KDM1B: variants seen among roughly 807,000 people sequenced by gnomAD.
KDM1B encodes lysine demethylase 1B, also known as lysine-specific histone demethylase 2.
Under a neutral mutation model 107.4 loss-of-function variants are expected in KDM1B, and 63 were observed. The observed-to-expected ratio is 0.59, with a 90% CI of 0.48 to 0.72. The LOEUF is 0.72. Among genes scored for constraint, KDM1B ranks in the 30% least tolerant of loss-of-function variants. The pLI, the probability that KDM1B is intolerant of heterozygous loss-of-function variation, is 0.00. For synonymous variants in KDM1B, 363 were observed against 363.9 expected (o/e 1.00, Z 0.03); for missense variants, 749 against 1,020.8 (o/e 0.73, Z 3.63).
chr6:18,197,573 C>G lies in KDM1B; in HGVS notation c.1147-14C>G. 2 of 1,609,794 alleles carry G rather than the reference C, an allele frequency of 1.2e-6. No homozygotes were observed. Among genetic ancestry groups the G allele is most frequent in the African/African-American group, 1.3e-5 (1 of 74,976 alleles). ...ATCTGCTCTAATTGGACTTTTGTTT[C>G]TTTTCTTTTTAAGAAATCAGTCATC... On this transcript the variant is annotated splice_polypyrimidine_tract_variant and intron_variant, in intron 11 of 21. Transcript: ENST00000650836. This position sits in a 1 kb window ranked among gnomAD's most constrained non-coding sequence, Gnocchi z 4.5.
At chr6:18,207,261 T>C in intron 15 of KDM1B, 137 bp from the exon 16 acceptor site, 1 of 749,688 alleles carries the variant, frequency 1.3e-6, no homozygotes, top group Non-Finnish European at 2.2e-6. Context: ...CCAGTGGTGG[T>C]CTCTGCCTAG....
Position 18,213,996 on chromosome 6 carries a change from T to G in KDM1B, c.2109+215T>G, listed in dbSNP as rs575974068. On this transcript the variant is annotated intron_variant, in intron 19 of 21. Coordinates refer to ENST00000650836, the MANE Select transcript of KDM1B (RefSeq NM_001364614.2). The surrounding 1 kb of genome is among the most constrained non-coding windows in gnomAD (Gnocchi z 5.9). Reference sequence around the variant, plus strand: ...TTCTTAAAGTCCTCATGTTGCTCCCTGGGACATGAATTGGATGCTTGTGGA... The same window carrying G: ...TTCTTAAAGTCCTCATGTTGCTCCCGGGGACATGAATTGGATGCTTGTGGA... Among the ~76,000 whole-genome samples, 1 of 152,298 alleles carries G rather than the reference T, an allele frequency of 6.6e-6. No homozygotes were observed. Among genetic ancestry groups the G allele is most frequent in the South Asian group, 2.1e-4 (1 of 4,822 alleles).
At chr6:18,188,149 C>T (rs926373743) in intron 9 of KDM1B, 147 bp downstream of exon 9, 7 of 722,036 alleles carry the variant, frequency 9.7e-6, no homozygotes, top group Middle Eastern at 3.9e-4. Context: ...CTTTGGGTGG[C>T]CGAGGCAGGA....
At chr6:18,163,384 T>C (rs1376775831) in intron 5 of KDM1B, among the ~76,000 whole-genome samples, 1 of 152,208 alleles carries the variant, frequency 6.6e-6, no homozygotes, top group Non-Finnish European at 1.5e-5. Context: ...TGAGTCAAAG[T>C]TCTGGAACAT....
rs577627749 is a variant in KDM1B, at chr6:18,197,412, G to A, written c.1147-175G>A. On this transcript the variant is annotated intron_variant, in intron 11 of 21. Transcript: ENST00000650836. The surrounding 1 kb of genome is among the most constrained non-coding windows in gnomAD (Gnocchi z 4.5). ...TCAAGCACTCTTTCCCCAGATTGTA[G>A]GGAAAAAGGGAAGGGAGTAATAAGA... Among the ~76,000 whole-genome samples the A allele has an allele frequency of 4.6e-4, 70 of 152,320 alleles. No individual in the cohort carries two copies. Among genetic ancestry groups the A allele is most frequent in the Admixed American group, 1.7e-3 (26 of 15,300 alleles).
At chr6:18,183,854 T>C (rs1786649183) in intron 7 of KDM1B, among the ~76,000 whole-genome samples, 1 of 151,948 alleles carries the variant, frequency 6.6e-6, no homozygotes, top group Admixed American at 6.6e-5. Context: ...GGGCTGTTTC[T>C]AGTTTTTGGC....
At position 18,213,633 on chromosome 6, in the gene KDM1B, C is replaced by G. The variant is rs1361035275; in HGVS notation, c.1984-23C>G. On this transcript the variant is annotated intron_variant, in intron 18 of 21. Coordinates refer to ENST00000650836, the MANE Select transcript of KDM1B (RefSeq NM_001364614.2). This position sits in a 1 kb window ranked among gnomAD's most constrained non-coding sequence, Gnocchi z 5.9. ...TTTTGTGACGACAGACACCTAACCA[C>G]CTTTCTTCTGCTCACTTTGCAGATT... 16 of 1,613,770 alleles carry G rather than the reference C, an allele frequency of 9.9e-6. No homozygotes were observed. The highest frequency in any genetic ancestry group is 1.3e-5 in the Non-Finnish European group (15 of 1,179,772).
chr6:18,201,719 A>G lies in KDM1B; in HGVS notation c.1531+62A>G. 2.9e-6 allele frequency: 4 copies of G among 1,391,162 alleles called. No homozygotes were observed. The highest frequency in any genetic ancestry group is 3.9e-6 in the Non-Finnish European group (4 of 1,026,474). 86.2% of individuals were successfully genotyped at this position (1,391,162 alleles called of 1,614,324 possible). A position where few individuals can be genotyped will look rare whatever the true frequency, so the allele number is the denominator to read the frequency against. On this transcript the variant is annotated intron_variant, in intron 14 of 21. Coordinates refer to ENST00000650836, the MANE Select transcript of KDM1B (RefSeq NM_001364614.2). This position sits in a 1 kb window ranked among gnomAD's most constrained non-coding sequence, Gnocchi z 4.3. ...GTTTCGTTGTTACCTAAGCTTCATC[A>G]GCAGTGGCATTGTTCATTTGCGAGG...
Position 18,212,608 on chromosome 6 carries a change from A to G in KDM1B, c.1983+4A>G. The G allele has an allele frequency of 6.4e-7, 1 of 1,567,864 alleles. No homozygotes were observed. Among genetic ancestry groups the G allele is most frequent in the Non-Finnish European group, 8.8e-7 (1 of 1,137,780 alleles). ...AGGCGCAGGCATCATTGAAAAGGTGACTGAAATGACCTCATCCTCAGCAAG... is the reference window on the plus strand; with the variant it reads ...AGGCGCAGGCATCATTGAAAAGGTGGCTGAAATGACCTCATCCTCAGCAAG... On this transcript the variant is annotated splice_donor_region_variant and intron_variant, in intron 18 of 21. Coordinates refer to ENST00000650836, the MANE Select transcript of KDM1B (RefSeq NM_001364614.2). The surrounding 1 kb of genome is among the most constrained non-coding windows in gnomAD (Gnocchi z 5.2).
chr6:18,218,745 G>A (rs1789436894), intron 21 of KDM1B, among the ~76,000 whole-genome samples: 1 of 151,918 alleles, frequency 6.6e-6, no homozygotes, highest in African/African-American at 2.4e-5. Flanking sequence ...AGTTGACACT[G>A]TCTGAGCTGG....
At chr6:18,199,279 A>G (rs1359426752) in intron 12 of KDM1B, among the ~76,000 whole-genome samples, 1 of 152,132 alleles carries the variant, frequency 6.6e-6, no homozygotes, top group Non-Finnish European at 1.5e-5. Context: ...AGAGAAAGTG[A>G]AGAATGTAAG....
At chr6:18,215,813 T>C (rs1789182191) in intron 20 of KDM1B, among the ~76,000 whole-genome samples, 3 of 151,574 alleles carry the variant, frequency 2.0e-5, no homozygotes, top group Admixed American at 2.0e-4. Flanking sequence ...ACTGAAGCCC[T>C]AGAAGCTTTG....
At chr6:18,217,439 C>G (rs545152573) in intron 20 of KDM1B, among the ~76,000 whole-genome samples, 1 of 145,878 alleles carries the variant, frequency 6.9e-6, no homozygotes, top group South Asian at 2.2e-4. Context: ...AGTGCAGTGG[C>G]GCGATCTCGG....
rs1489199108 is a variant in KDM1B at position 18,213,800 on chromosome 6, T to G, written c.2109+19T>G. 1.2e-6 allele frequency: 2 copies of G among 1,613,566 alleles called. No individual in the cohort carries two copies. Among genetic ancestry groups the G allele is most frequent in the South Asian group, 1.1e-5 (1 of 91,004 alleles). On this transcript the variant is annotated intron_variant, in intron 19 of 21. Transcript: ENST00000650836. This position sits in a 1 kb window ranked among gnomAD's most constrained non-coding sequence, Gnocchi z 5.9. ...TCCCCAGGTAAAATCATTCGTGAAC[T>G]GTGGTTTGAATTTCCGTCTTAAAGT...
rs1283333809 is a variant in KDM1B at position 18,162,411 on chromosome 6, A to C, written c.216-424A>C. Among the ~76,000 whole-genome samples, 3 of 152,160 alleles carry C rather than the reference A, an allele frequency of 2.0e-5. No individual in the cohort carries two copies. Among genetic ancestry groups the C allele is most frequent in the Admixed American group, 1.3e-4 (2 of 15,270 alleles). On this transcript the variant is annotated intron_variant, in intron 4 of 21. Transcript: ENST00000650836. This position sits in a 1 kb window ranked among gnomAD's most constrained non-coding sequence, Gnocchi z 4.1. ...TTTTTCATTCTCTTGCTATATTATC[A>C]ACTGTTTGACAAGTTATCTTTGCCA...
Position 18,159,830 on chromosome 6 carries a change from G to C in KDM1B, c.-13-53G>C. 2.1e-6 allele frequency: 2 copies of C among 939,990 alleles called. No homozygotes were observed. Among genetic ancestry groups the C allele is most frequent in the South Asian group, 1.4e-5 (1 of 71,902 alleles). 58.2% of individuals were successfully genotyped at this position (939,990 alleles called of 1,614,324 possible). ...AGTGTATAATAACTTGCTCCAGACTGTTAAAAATATTTGCAGATGCTAATA... is the reference window on the plus strand; with the variant it reads ...AGTGTATAATAACTTGCTCCAGACTCTTAAAAATATTTGCAGATGCTAATA... On this transcript the variant is annotated intron_variant, in intron 2 of 21. Transcript: ENST00000650836. The surrounding 1 kb of genome is among the most constrained non-coding windows in gnomAD (Gnocchi z 4.5).
At position 18,187,814 on chromosome 6, in the gene KDM1B, A is replaced by T. The variant is rs759652209; in HGVS notation, c.596A>T (p.His199Leu). ...EDLRVLEVSNHWWYSMLILPP... is the reference protein window; with the variant it reads ...EDLRVLEVSNLWWYSMLILPP... ...CAGAGAGTATTGGAAGTTTCCAACC[A>T]TTGGTGGTACTCTATGCTCATCCTA... Residue 199 changes from histidine to leucine, a missense_variant, in exon 9 of 22, where the codon CAT becomes CTT. Transcript: ENST00000650836. 2.5e-5 allele frequency: 39 copies of T among 1,550,274 alleles called. 1 individual carries two copies. The South Asian group carries it at 4.5e-4, about 18-fold the overall frequency.
intron 2 of KDM1B, among the ~76,000 whole-genome samples, chr6:18,156,476 T>A (rs1004344150): frequency 4.6e-5 from 7 of 152,124 alleles, no homozygotes; most frequent in African/African-American, 1.7e-4. Context: ...GTTTTGTGTT[T>A]TTAAATCTAT....
At chr6:18,196,420 T>C (rs530598124) in intron 10 of KDM1B, among the ~76,000 whole-genome samples, 4 of 152,350 alleles carry the variant, frequency 2.6e-5, no homozygotes, top group African/African-American at 9.6e-5. Context: ...CCATAATGAC[T>C]GTACTAATGT....
Sources: allele counts gnomAD v4.1 joint callset (sites outside exome capture counted in the v4.1 genomes callset), GRCh38; gene constraint gnomAD v4.1.1; non-coding constraint Gnocchi (gnomAD v3.1); transcripts MANE v1.5; gene names NCBI Gene and HGNC (gene_info 2026-07-23, HGNC 2026-07-21).